CCR3: variants seen among roughly 807,000 people sequenced by gnomAD.
CCR3 encodes C-C motif chemokine receptor 3, also known as C-C chemokine receptor type 3.
For synonymous variants in CCR3, 203 were observed against 179.2 expected, an observed-to-expected ratio of 1.13 and a Z score of -1.06; for missense variants, 419 against 437.5, an observed-to-expected ratio of 0.96 and a Z score of 0.38.
intron 2 of CCR3, among the ~76,000 whole-genome samples, chr3:46,227,608 G>C (rs1317021429): frequency 1.3e-5 from 2 of 152,122 alleles, no homozygotes; most frequent in Non-Finnish European, 2.9e-5. Context: ...CTTGAGGAAA[G>C]AACTTGGATT....
chr3:46,246,855 T>C (rs1700201587), intron 1 of CCR3, among the ~76,000 whole-genome samples: 1 of 151,854 alleles, frequency 6.6e-6, no homozygotes, highest in African/African-American at 2.4e-5. Flanking sequence ...CAAGCGGGAT[T>C]AGGGGCGGCG....
rs889960130 is a variant in CCR3, at chr3:46,265,522, T to C, written c.364T>C (p.Phe122Leu). ...FYHTGLYSEI[F>L]FIILLTIDRY... ...TCACACAGGCTTGTACAGCGAGATC[T>C]TTTTCATAATCCTGCTGACAATCGA... is the stretch of plus-strand genomic sequence containing the variant. Residue 122 changes from phenylalanine to leucine, a missense_variant, in exon 2 of 2, where the codon TTT (phenylalanine) becomes CTT (leucine). By Grantham distance (22) the Phe-to-Leu change is conservative. Coordinates refer to ENST00000395940, the MANE Select transcript of CCR3 (RefSeq NM_178329.3). 3.7e-6 allele frequency: 6 copies of C among 1,614,046 alleles called. No individual in the cohort carries two copies. The highest frequency in any genetic ancestry group is 5.1e-6 in the Non-Finnish European group (6 of 1,180,018).
chr3:46,261,614 A>T (rs1010278528), intron 1 of CCR3, among the ~76,000 whole-genome samples: 2 of 152,180 alleles, frequency 1.3e-5, no homozygotes, highest in Non-Finnish European at 2.9e-5. Flanking sequence ...GGGGGCATGG[A>T]GCGCTCTCTG....
intron 1 of CCR3, 146 bp downstream of exon 1, chr3:46,242,684 G>A (rs988690235): frequency 6.6e-6 from 1 of 151,784 alleles, no homozygotes; most frequent in Admixed American, 6.6e-5. Context: ...GGCCAGAGTG[G>A]GAGAAAATAT....
intron 1 of CCR3, among the ~76,000 whole-genome samples, chr3:46,256,937 G>C (rs1265861856): frequency 7.3e-6 from 1 of 136,862 alleles, no homozygotes; most frequent in Admixed American, 7.2e-5. Context: ...TATCAAGGAG[G>C]TCTTCACATT....
At chr3:46,221,678 C>T (rs753984906) in intron 2 of CCR3, among the ~76,000 whole-genome samples, 3 of 146,332 alleles carry the variant, frequency 2.1e-5, no homozygotes, top group South Asian at 2.5e-4. Context: ...GGTTATTCTG[C>T]GGGGTGGGCT....
intron 2 of CCR3, among the ~76,000 whole-genome samples, chr3:46,214,769 T>C (rs1382471966): frequency 6.6e-6 from 1 of 152,048 alleles, no homozygotes; most frequent in Non-Finnish European, 1.5e-5. Flanking sequence ...CAGGGCAGTG[T>C]GGATGATGTA....
chr3:46,255,514 T>A (rs1575507049), intron 1 of CCR3, among the ~76,000 whole-genome samples: 1 of 152,196 alleles, frequency 6.6e-6, no homozygotes, highest in Admixed American at 6.6e-5. Context: ...TCTTCTAAAA[T>A]TTTTATGGTT....
chr3:46,257,875 T>C (rs977950831), intron 1 of CCR3, among the ~76,000 whole-genome samples: 11 of 152,206 alleles, frequency 7.2e-5, no homozygotes, highest in African/African-American at 2.7e-4. Flanking sequence ...ATGTTGTAAC[T>C]CTCAGTCCTA....
At chr3:46,231,355 A>T (rs948970342) in intron 2 of CCR3, among the ~76,000 whole-genome samples, 1 of 152,260 alleles carries the variant, frequency 6.6e-6, no homozygotes, top group Non-Finnish European at 1.5e-5. Flanking sequence ...ACTGCAGTTT[A>T]TAGAAGGCTC....
chr3:46,233,404 T>C (rs1184905384), intron 2 of CCR3, among the ~76,000 whole-genome samples: 2 of 152,202 alleles, frequency 1.3e-5, no homozygotes, highest in Non-Finnish European at 2.9e-5. Flanking sequence ...ATGCTCAAGG[T>C]TGTGGCTTGA....
intron 1 of CCR3, among the ~76,000 whole-genome samples, chr3:46,251,111 GGGGTTGA>G (rs1700300221): frequency 6.6e-6 from 1 of 152,058 alleles, no homozygotes; most frequent in African/African-American, 2.4e-5. Flanking sequence ...ATGGAGAGAA[GGGGTTGA>G]GGTACTTGCC....
At chr3:46,241,713 C>G (rs542833068), upstream of CCR3, among the ~76,000 whole-genome samples, 3 of 152,276 alleles carry the variant, frequency 2.0e-5, no homozygotes, top group South Asian at 6.2e-4. Flanking sequence ...AACTCAAACT[C>G]AAGTCTTTTA....
chr3:46,256,132 G>A (rs1395092880), intron 1 of CCR3, among the ~76,000 whole-genome samples: 1 of 151,864 alleles, frequency 6.6e-6, no homozygotes, highest in Non-Finnish European at 1.5e-5. Flanking sequence ...CTTTTTTTGT[G>A]ATTTGCTGTT....
At position 46,262,841 on chromosome 3, in the gene CCR3, G is replaced by A. The variant is rs957138077; in HGVS notation, c.-11-2307G>A. ...GGCTAATTTCTTATTTTTTTGTAGA[G>A]ATAGGATCTCACTATATTGTCCAGG... On this transcript the variant is annotated intron_variant, in intron 1 of 1. Coordinates refer to ENST00000395940, the MANE Select transcript of CCR3 (RefSeq NM_178329.3). 4.6e-5 allele frequency among the ~76,000 whole-genome samples: 7 copies of A among 152,078 alleles called. No homozygotes were observed. The East Asian group carries it at 7.7e-4, about 17-fold the overall frequency.
chr3:46,264,415 A>T (rs1348254636), intron 1 of CCR3: 14 of 1,533,680 alleles, frequency 9.1e-6, no homozygotes, highest in Non-Finnish European at 1.2e-5. Context: ...TGCCATTTGG[A>T]ATAAGAATGC....
chr3:46,213,220 C>T (rs933722997), intron 2 of CCR3, among the ~76,000 whole-genome samples: 2 of 152,100 alleles, frequency 1.3e-5, no homozygotes, highest in Non-Finnish European at 2.9e-5. Flanking sequence ...TTAGATGAAT[C>T]GTCCAAGGTG....
intron 1 of CCR3, chr3:46,264,817 T>C: frequency 2.6e-6 from 1 of 386,500 alleles, no homozygotes; most frequent in Non-Finnish European, 4.6e-6. Flanking sequence ...ATTATTATAT[T>C]GTTATCATTA....
intron 1 of CCR3, among the ~76,000 whole-genome samples, chr3:46,262,779 C>A (rs1575512254): frequency 6.6e-6 from 1 of 152,132 alleles, no homozygotes; most frequent in Non-Finnish European, 1.5e-5. Flanking sequence ...CTCAGCCCCC[C>A]AAGTAGTTGG....
Sources: gnomAD v4.1 joint callset for allele counts (sites outside exome capture counted in the v4.1 genomes callset) on GRCh38, gnomAD v4.1.1 for gene constraint, MANE v1.5 for transcripts, NCBI Gene and HGNC (gene_info 2026-07-23, HGNC 2026-07-21) for gene names.